Variants in PTPRR observed in about 807,000 individuals in gnomAD.
The protein encoded by PTPRR is receptor-type tyrosine-protein phosphatase R.
PTPRR carries 38 observed loss-of-function variants against 77.2 expected under a neutral mutation model. The observed-to-expected ratio is 0.49, with a 90% CI of 0.38 to 0.65. PTPRR has a LOEUF of 0.65. Among genes scored for constraint, PTPRR ranks in the 30% least tolerant of loss-of-function variants. The probability of loss-of-function intolerance (pLI) is 0.00; values close to 1 mark genes in which losing one functional copy is unlikely to be tolerated. For missense variants in PTPRR, 744 were observed against 799.2 expected (o/e 0.93, Z 0.83); for synonymous variants, 299 against 283.1 (o/e 1.06, Z -0.57).
At chr12:70,640,310 C>A (rs1054009331) in intron 13 of PTPRR, among the ~76,000 whole-genome samples, 5 of 152,074 alleles carry the variant, frequency 3.3e-5, no homozygotes, top group Non-Finnish European at 7.4e-5. Flanking sequence ...GTAGCTGGGA[C>A]CACAGGCACC....
chr12:70,797,722 T>C lies in PTPRR; in HGVS notation c.358-32944A>G, dbSNP rs191045611. Among the ~76,000 whole-genome samples the C allele has an allele frequency of 2.8e-3, 429 of 152,312 alleles. 1 individual carries two copies. The highest frequency in any genetic ancestry group is 4.6e-3 in the Non-Finnish European group (316 of 68,020). On this transcript the variant is annotated intron_variant, in intron 2 of 13. Coordinates refer to ENST00000283228, the MANE Select transcript of PTPRR (RefSeq NM_002849.4). ...GGCACCATTGAGTACTCTTGTCTTC[T>C]TGAAACTTTCTTCTCTTAGCTTCTG...
intron 2 of PTPRR, among the ~76,000 whole-genome samples, chr12:70,773,307 G>T (rs1891020763): frequency 6.6e-6 from 1 of 152,168 alleles, no homozygotes; most frequent in Non-Finnish European, 1.5e-5. Flanking sequence ...GGGTGGTGGT[G>T]AGGTGGGATG....
chr12:70,865,674 T>C (rs897439876), intron 2 of PTPRR, among the ~76,000 whole-genome samples: 3 of 152,222 alleles, frequency 2.0e-5, no homozygotes, highest in African/African-American at 7.2e-5. Flanking sequence ...TATATGAAGT[T>C]ACAGTCCCTG....
At chr12:70,705,530 A>C (rs1342783715) in intron 6 of PTPRR, among the ~76,000 whole-genome samples, 2 of 152,220 alleles carry the variant, frequency 1.3e-5, no homozygotes, top group Admixed American at 6.5e-5. Flanking sequence ...AAAATGAAAC[A>C]GATGATCATT....
intron 13 of PTPRR, among the ~76,000 whole-genome samples, chr12:70,644,183 G>A (rs57030626): frequency 6.6e-6 from 1 of 152,286 alleles, no homozygotes; most frequent in East Asian, 1.9e-4. Context: ...TTGGTCTGGT[G>A]TTTCCCAATG....
intron 7 of PTPRR, among the ~76,000 whole-genome samples, chr12:70,700,538 CT>C (rs1357805536): frequency 1.3e-5 from 2 of 152,176 alleles, no homozygotes; most frequent in Non-Finnish European, 2.9e-5. Flanking sequence ...TTTTCCATTA[CT>C]TTTGGCTGCC....
chr12:70,664,206 C>T (rs1886897128), intron 10 of PTPRR: 1 of 152,186 alleles, frequency 6.6e-6, no homozygotes, highest in Non-Finnish European at 1.5e-5. Flanking sequence ...AAGACTTACT[C>T]TGGCTGACTT....
chr12:70,702,945 C>G (rs2136787980), intron 6 of PTPRR, among the ~76,000 whole-genome samples: 1 of 151,876 alleles, frequency 6.6e-6, no homozygotes, highest in African/African-American at 2.4e-5. Flanking sequence ...TCATAAGTAT[C>G]TATCTGCACA....
chr12:70,660,956 C>G lies in PTPRR; in HGVS notation c.1750G>C (p.Val584Leu). The change falls in exon 12 of 14, where the codon GTG becomes CTG. Residue 584 changes from valine (V) to leucine (L), a missense_variant. Physicochemically the swap from Val to Leu is conservative, Grantham distance 32 (BLOSUM62 1). Around this residue, in one of 3 missense-constraint regions of PTPRR, gnomAD observed 170 missense variants for 209.8 expected, o/e 0.81. Transcript: ENST00000283228. ...DRLASQGRGP[V>L]VVHCSAGIGR... ...ACGTCTTACCTGCAGTGGACAACCA[C>G]AGGCCCTCGGCCCTGGGAAGCAAGT... 1 of 1,613,430 alleles carries G rather than the reference C, an allele frequency of 6.2e-7. No homozygotes were observed. Among genetic ancestry groups the G allele is most frequent in the Non-Finnish European group, 8.5e-7 (1 of 1,179,682 alleles).
chr12:70,698,189 C>T, intron 8 of PTPRR, 76 bp downstream of exon 8: 1 of 1,260,930 alleles, frequency 7.9e-7, no homozygotes, highest in East Asian at 2.3e-5. Flanking sequence ...CCATCATCTA[C>T]ATTAGGTATT....
intron 2 of PTPRR, among the ~76,000 whole-genome samples, chr12:70,876,647 C>T (rs112325428): frequency 0.026 from 3,915 of 152,122 alleles, 60 homozygotes; most frequent in Middle Eastern, 0.041. Flanking sequence ...GCTTCAATTA[C>T]CTAGAGTGTG....
intron 2 of PTPRR, among the ~76,000 whole-genome samples, chr12:70,875,246 A>G (rs1893031421): frequency 6.6e-6 from 1 of 152,202 alleles, no homozygotes; most frequent in African/African-American, 2.4e-5. Flanking sequence ...ATAATATTAG[A>G]CCACGTTTGT....
intron 6 of PTPRR, among the ~76,000 whole-genome samples, chr12:70,714,903 G>A (rs1444492957): frequency 1.3e-5 from 2 of 152,068 alleles, no homozygotes; most frequent in Non-Finnish European, 2.9e-5. Context: ...AAGATCGCTG[G>A]AGCCTAGGGA....
At chr12:70,865,020 G>T (rs1468972826) in intron 2 of PTPRR, among the ~76,000 whole-genome samples, 1 of 151,920 alleles carries the variant, frequency 6.6e-6, no homozygotes, top group Non-Finnish European at 1.5e-5. Context: ...TTACCATGTT[G>T]GTCAGGCTGG....
At chr12:70,864,490 T>C (rs146220376) in intron 2 of PTPRR, among the ~76,000 whole-genome samples, 4 of 152,332 alleles carry the variant, frequency 2.6e-5, no homozygotes, top group African/African-American at 9.6e-5. Context: ...ATGACTGCTA[T>C]TGTTACTTCA....
chr12:70,861,812 C>CTGTGG (rs1465987749), intron 2 of PTPRR, among the ~76,000 whole-genome samples: 2 of 152,160 alleles, frequency 1.3e-5, no homozygotes, highest in Non-Finnish European at 2.9e-5. Context: ...AAGCACAACA[C>CTGTGG]TGTGGATACA....
At chr12:70,797,216 C>A (rs930618787) in intron 2 of PTPRR, among the ~76,000 whole-genome samples, 1 of 152,058 alleles carries the variant, frequency 6.6e-6, no homozygotes, top group Non-Finnish European at 1.5e-5. Context: ...CTAATATATG[C>A]CAAGGAATGT....
At chr12:70,754,623 G>A in intron 4 of PTPRR, 1 of 1,597,818 alleles carries the variant, frequency 6.3e-7, no homozygotes, top group East Asian at 2.2e-5. Flanking sequence ...TTTTCTGTGT[G>A]GAGGAAATTG....
At chr12:70,806,327 G>A (rs1891708976) in intron 2 of PTPRR, among the ~76,000 whole-genome samples, 1 of 152,168 alleles carries the variant, frequency 6.6e-6, no homozygotes, top group African/African-American at 2.4e-5. Context: ...ACATTGTGTG[G>A]CTACAGGAAA....
Sources: gnomAD v4.1 joint callset for allele counts (sites outside exome capture counted in the v4.1 genomes callset) on GRCh38, gnomAD v4.1.1 for gene constraint, gnomAD v4.1.1 regional missense constraint, MANE v1.5 for transcripts, NCBI Gene and HGNC (gene_info 2026-07-23, HGNC 2026-07-21) for gene names.